RGS7: variants seen among roughly 807,000 people sequenced by gnomAD.
The protein encoded by RGS7 is regulator of G-protein signaling 7.
Under a neutral mutation model 81.1 loss-of-function variants are expected in RGS7, and 27 were observed. The observed-to-expected ratio is 0.33, with a 90% CI of 0.25 to 0.46. The LOEUF (loss-of-function observed/expected upper bound fraction) is 0.46. RGS7 is among the 20% of genes least tolerant of loss of function. The pLI, the probability that RGS7 is intolerant of heterozygous loss-of-function variation, is 1.00. For missense variants in RGS7, 396 were observed against 607.4 expected (o/e 0.65, Z 3.66); for synonymous variants, 208 against 207.7 (o/e 1.00, Z -0.01).
At chr1:240,967,393 C>T (rs781422569) in intron 4 of RGS7, among the ~76,000 whole-genome samples, 2 of 152,110 alleles carry the variant, frequency 1.3e-5, no homozygotes, top group East Asian at 1.9e-4. Context: ...GGGAAAGGGT[C>T]GTAGTTACCC....
chr1:241,349,697 T>A (rs943943905), intron 2 of RGS7, among the ~76,000 whole-genome samples: 1 of 152,222 alleles, frequency 6.6e-6, no homozygotes, highest in Non-Finnish European at 1.5e-5. Context: ...TGGGTTGATA[T>A]TTTGTAGGAT....
At chr1:240,942,292 C>G (rs1286690995) in intron 4 of RGS7, among the ~76,000 whole-genome samples, 1 of 152,112 alleles carries the variant, frequency 6.6e-6, no homozygotes, top group East Asian at 1.9e-4. Context: ...GGTTAGCTCA[C>G]GGTGCTTATA....
intron 2 of RGS7, among the ~76,000 whole-genome samples, chr1:241,224,340 T>C (rs2075193985): frequency 7.0e-6 from 1 of 142,744 alleles, no homozygotes. Context: ...GGTGAGAACA[T>C]GTAGTGTTTG....
intron 3 of RGS7, among the ~76,000 whole-genome samples, chr1:241,020,345 T>C (rs1033825093): frequency 6.6e-6 from 1 of 152,180 alleles, no homozygotes; most frequent in Non-Finnish European, 1.5e-5. Flanking sequence ...ATCAAGATGT[T>C]GACAGGGTCA....
intron 3 of RGS7, chr1:240,998,640 G>T: frequency 1.0e-6 from 1 of 995,652 alleles, no homozygotes; most frequent in Non-Finnish European, 1.6e-6. Flanking sequence ...TGTTGACTTT[G>T]GCCAGGCCTT....
Position 241,164,982 on chromosome 1 carries a change from T to A in RGS7, c.79-66220A>T, listed in dbSNP as rs1449291371. 6.6e-6 allele frequency among the ~76,000 whole-genome samples: 1 copy of A among 152,166 alleles called. No individual in the cohort carries two copies. The highest frequency in any genetic ancestry group is 1.5e-5 in the Non-Finnish European group (1 of 68,016). ...TCATATCCATCACATTTCCAACTCA[T>A]TCCAAGCAAATCCTCAGCTGATCCT... On this transcript the variant is annotated intron_variant, in intron 2 of 18. Transcript: ENST00000440928. This position sits in a 1 kb window ranked among gnomAD's most constrained non-coding sequence, Gnocchi z 4.1.
chr1:241,194,348 T>A (rs1385137634), intron 2 of RGS7, among the ~76,000 whole-genome samples: 1 of 152,228 alleles, frequency 6.6e-6, no homozygotes, highest in Admixed American at 6.5e-5. Context: ...TATAATTTTT[T>A]AAAGAATTTT....
At chr1:240,924,701 T>C (rs1312518418) in intron 6 of RGS7, among the ~76,000 whole-genome samples, 1 of 152,200 alleles carries the variant, frequency 6.6e-6, no homozygotes, top group African/African-American at 2.4e-5. Context: ...AAAATCTACA[T>C]TGTAATTAAG....
At chr1:241,337,481 G>T (rs550160588) in intron 2 of RGS7, among the ~76,000 whole-genome samples, 1 of 152,028 alleles carries the variant, frequency 6.6e-6, no homozygotes, top group Non-Finnish European at 1.5e-5. Flanking sequence ...TTAGCATACT[G>T]TATGTTGTGC....
intron 3 of RGS7, among the ~76,000 whole-genome samples, chr1:241,005,469 C>A (rs924048577): frequency 6.6e-6 from 1 of 152,166 alleles, no homozygotes; most frequent in Non-Finnish European, 1.5e-5. Flanking sequence ...TCTGTCACCA[C>A]GTTTTAGTTT....
At chr1:240,782,352 G>C (rs1482066156) in intron 18 of RGS7, among the ~76,000 whole-genome samples, 1 of 152,190 alleles carries the variant, frequency 6.6e-6, no homozygotes, top group African/African-American at 2.4e-5. Flanking sequence ...ATGCTGTATG[G>C]AACCAGCTCC....
At chr1:241,147,792 A>ATATATATATT (rs1319480974) in intron 2 of RGS7, among the ~76,000 whole-genome samples, 4 of 112,322 alleles carry the variant, frequency 3.6e-5, no homozygotes, top group Non-Finnish European at 7.1e-5. Flanking sequence ...ATATATATAT[A>ATATATATATT]TATATATATA....
chr1:241,020,474 C>T (rs1165396518), intron 3 of RGS7, among the ~76,000 whole-genome samples: 2 of 152,154 alleles, frequency 1.3e-5, no homozygotes, highest in Non-Finnish European at 2.9e-5. Context: ...ATGGCTTTCT[C>T]TGTCTTCTCC....
At chr1:240,812,539 A>T (rs1282491380) in intron 13 of RGS7, among the ~76,000 whole-genome samples, 1 of 150,944 alleles carries the variant, frequency 6.6e-6, no homozygotes, top group Non-Finnish European at 1.5e-5. Flanking sequence ...GGTTCAAGAG[A>T]GTCTCCTGCT....
intron 2 of RGS7, among the ~76,000 whole-genome samples, chr1:241,339,243 A>G (rs1036264781): frequency 6.6e-6 from 1 of 152,194 alleles, no homozygotes; most frequent in Non-Finnish European, 1.5e-5. Flanking sequence ...GCTGCGTAGT[A>G]TTCCATGGTG....
intron 2 of RGS7, among the ~76,000 whole-genome samples, chr1:241,168,071 C>G (rs10926422): frequency 0.31 from 46,562 of 152,064 alleles, 7,334 homozygotes; most frequent in East Asian, 0.36. Flanking sequence ...CTCTTGGCCA[C>G]TAAAAGTAGC....
intron 2 of RGS7, among the ~76,000 whole-genome samples, chr1:241,203,552 T>C (rs1466320225): frequency 5.3e-5 from 8 of 152,130 alleles, no homozygotes; most frequent in African/African-American, 1.7e-4. Context: ...CTTTCCAAGA[T>C]AGATCCTCTG....
chr1:241,043,606 TTATA>T (rs2060746504), intron 3 of RGS7, among the ~76,000 whole-genome samples: 2 of 147,432 alleles, frequency 1.4e-5, no homozygotes, highest in Admixed American at 6.8e-5. Flanking sequence ...TATTATAATA[TTATA>T]TAGTTATATT....
At chr1:241,268,402 C>T (rs1573435395) in intron 2 of RGS7, among the ~76,000 whole-genome samples, 1 of 152,286 alleles carries the variant, frequency 6.6e-6, no homozygotes, top group Admixed American at 6.5e-5. Flanking sequence ...AGATCTCTGG[C>T]CTCTACCCAC....
Sources: allele counts gnomAD v4.1 joint callset (sites outside exome capture counted in the v4.1 genomes callset), GRCh38; gene constraint gnomAD v4.1.1; non-coding constraint Gnocchi (gnomAD v3.1); transcripts MANE v1.5; gene names NCBI Gene and HGNC (gene_info 2026-07-23, HGNC 2026-07-21).